Variants in ADGRL3 observed in about 807,000 individuals in gnomAD.
ADGRL3 encodes calcium-independent alpha-latrotoxin receptor 3.
ADGRL3 carries 62 observed loss-of-function variants against 153.5 expected under a neutral mutation model. That is an observed-to-expected ratio of 0.40 (90% CI 0.33 to 0.50). The LOEUF (loss-of-function observed/expected upper bound fraction) is 0.50. Among genes scored for constraint, ADGRL3 ranks in the 20% least tolerant of loss-of-function variants. The pLI, the probability that ADGRL3 is intolerant of heterozygous loss-of-function variation, is 0.47. For synonymous variants in ADGRL3, 710 were observed against 672.5 expected (o/e 1.06, Z -0.86); for missense variants, 1,641 against 1,859.4 (o/e 0.88, Z 2.16).
intron 22 of ADGRL3, among the ~76,000 whole-genome samples, 189 bp downstream of exon 22, chr4:62,029,070 A>G (rs999089498): frequency 2.0e-5 from 3 of 151,614 alleles, no homozygotes; most frequent in Non-Finnish European, 4.4e-5. Context: ...TGTATTGCCA[A>G]AAAAAAATTC....
chr4:61,345,334 G>A (rs1187476084), intron 1 of ADGRL3, among the ~76,000 whole-genome samples: 1 of 151,956 alleles, frequency 6.6e-6, no homozygotes, highest in Non-Finnish European at 1.5e-5. Context: ...TTTTTCAACT[G>A]TACATGATTA....
chr4:61,330,630 G>A (rs528412606), intron 1 of ADGRL3, among the ~76,000 whole-genome samples: 1 of 152,244 alleles, frequency 6.6e-6, no homozygotes, highest in South Asian at 2.1e-4. Flanking sequence ...GACCTTCACG[G>A]TGAGTGTTAC....
chr4:61,648,478 T>G (rs2094126882), intron 5 of ADGRL3, among the ~76,000 whole-genome samples: 1 of 151,728 alleles, frequency 6.6e-6, no homozygotes. Context: ...TTATCTCTTT[T>G]GTCATTCATA....
chr4:61,451,063 C>T (rs959275568), intron 2 of ADGRL3, among the ~76,000 whole-genome samples: 5 of 151,876 alleles, frequency 3.3e-5, no homozygotes, highest in Non-Finnish European at 1.5e-5. Context: ...TCATTGCGTT[C>T]GTTATCTAAT....
chr4:61,420,667 A>C (rs1339606916), intron 2 of ADGRL3: 1 of 151,390 alleles, frequency 6.6e-6, no homozygotes, highest in Non-Finnish European at 1.5e-5. Flanking sequence ...CGGCCTCCCA[A>C]AGTGCTGAGA....
At chr4:62,057,826 C>T (rs891693625) in intron 25 of ADGRL3, among the ~76,000 whole-genome samples, 4 of 152,046 alleles carry the variant, frequency 2.6e-5, no homozygotes, top group African/African-American at 9.7e-5. Flanking sequence ...TACAGGCACA[C>T]TCCGCCACGC....
At chr4:61,731,166 G>C (rs921887494) in intron 7 of ADGRL3, among the ~76,000 whole-genome samples, 20 of 151,926 alleles carry the variant, frequency 1.3e-4, no homozygotes, top group Admixed American at 1.1e-3. Flanking sequence ...ATTATGGATT[G>C]TATATTGATG....
In ADGRL3 at chr4:62,005,705, T is replaced by C. The variant is rs1401993687; in HGVS notation, c.3395+7440T>C. Among the ~76,000 whole-genome samples, 78 of 152,008 alleles carry C rather than the reference T, an allele frequency of 5.1e-4. 1 individual carries two copies. Among genetic ancestry groups the C allele is most frequent in the Admixed American group, 5.1e-3 (77 of 15,228 alleles). The stretch of plus-strand genomic sequence containing the variant: ...TTTAAACTAGCTATTCATAAGACTA[T>C]AGTTTTTCCCCCAAATGGTGAAGAG... On this transcript the variant is annotated intron_variant, in intron 21 of 26. Coordinates refer to ENST00000683033, the MANE Select transcript of ADGRL3 (RefSeq NM_001387552.1).
At chr4:61,448,156 T>G (rs1462482150) in intron 2 of ADGRL3, among the ~76,000 whole-genome samples, 1 of 152,202 alleles carries the variant, frequency 6.6e-6, no homozygotes, top group Non-Finnish European at 1.5e-5. Flanking sequence ...ACATATTGGT[T>G]GAGATCACTA....
chr4:61,435,450 A>G (rs902941691), intron 2 of ADGRL3, among the ~76,000 whole-genome samples: 1 of 152,092 alleles, frequency 6.6e-6, no homozygotes, highest in Non-Finnish European at 1.5e-5. Flanking sequence ...CATCATAAAT[A>G]TGTTAAGTTT....
rs77008968 is a variant in ADGRL3, at chr4:61,793,753, G to A, written c.1400-20056G>A. Among the ~76,000 whole-genome samples the A allele has an allele frequency of 4.0e-3, 607 of 152,108 alleles. 27 individuals are homozygous for A. In the East Asian group the frequency reaches 0.11, roughly 27 times the overall value. Reference sequence around the variant, plus strand: ...AAAACTCAAAACGATAAGTTATAAAGTATAGTTTATTTTTTAAATCCCTAT... The same window carrying A: ...AAAACTCAAAACGATAAGTTATAAAATATAGTTTATTTTTTAAATCCCTAT... On this transcript the variant is annotated intron_variant, in intron 8 of 26. Transcript: ENST00000683033.
chr4:61,600,058 C>G (rs2099004668), intron 5 of ADGRL3, among the ~76,000 whole-genome samples: 2 of 151,984 alleles, frequency 1.3e-5, no homozygotes, highest in African/African-American at 4.8e-5. Flanking sequence ...GCCTGTAATG[C>G]CACCACTTTG....
chr4:61,896,174 T>A (rs1397943587), intron 11 of ADGRL3, among the ~76,000 whole-genome samples: 1 of 152,150 alleles, frequency 6.6e-6, no homozygotes, highest in Non-Finnish European at 1.5e-5. Flanking sequence ...TGGAAATAAT[T>A]ATAATTTTTC....
intron 3 of ADGRL3, among the ~76,000 whole-genome samples, chr4:61,516,096 A>G (rs1161346860): frequency 6.6e-6 from 1 of 152,284 alleles, no homozygotes; most frequent in East Asian, 1.9e-4. Flanking sequence ...GTTTTCCATT[A>G]TAGATATATT....
intron 1 of ADGRL3, among the ~76,000 whole-genome samples, chr4:61,251,778 ATTT>A (rs202202996): frequency 2.2e-5 from 3 of 135,018 alleles, no homozygotes; most frequent in African/African-American, 5.5e-5. Context: ...CAACTCTAGG[ATTT>A]TTTTTTTTTT....
chr4:61,968,497 T>C (rs2099014923), intron 17 of ADGRL3, among the ~76,000 whole-genome samples: 1 of 152,214 alleles, frequency 6.6e-6, no homozygotes, highest in African/African-American at 2.4e-5. Context: ...TTTTGCTCCA[T>C]GCTTTGAAAA....
At chr4:61,919,551 A>T (rs746461023) in intron 13 of ADGRL3, among the ~76,000 whole-genome samples, 1 of 152,204 alleles carries the variant, frequency 6.6e-6, no homozygotes, top group Non-Finnish European at 1.5e-5. Flanking sequence ...TGGTTATAAG[A>T]ATTCCTTTCT....
intron 25 of ADGRL3, among the ~76,000 whole-genome samples, chr4:62,059,054 A>T (rs560016515): frequency 2.0e-5 from 3 of 152,202 alleles, no homozygotes; most frequent in Non-Finnish European, 4.4e-5. Flanking sequence ...TTTTCAGCAC[A>T]GTCAGTGCTA....
At chr4:61,737,262 C>T (rs2096529856) in intron 8 of ADGRL3, among the ~76,000 whole-genome samples, 1 of 152,022 alleles carries the variant, frequency 6.6e-6, no homozygotes, top group Non-Finnish European at 1.5e-5. Flanking sequence ...AGTCTTTTTG[C>T]CATGATTTTA....
Sources: allele counts gnomAD v4.1 joint callset (sites outside exome capture counted in the v4.1 genomes callset), GRCh38; gene constraint gnomAD v4.1.1; transcripts MANE v1.5; gene names NCBI Gene and HGNC (gene_info 2026-07-23, HGNC 2026-07-21).